Variants in DMXL1 observed in about 807,000 individuals in gnomAD.
The protein encoded by DMXL1 is dmX-like protein 1.
DMXL1 carries 99 observed loss-of-function variants against 319.2 expected under a neutral mutation model. The observed-to-expected ratio is 0.31, with a 90% CI of 0.26 to 0.37. The LOEUF (loss-of-function observed/expected upper bound fraction) is 0.37. DMXL1 is among the 10% of genes least tolerant of loss of function. The pLI, the probability that DMXL1 is intolerant of heterozygous loss-of-function variation, is 1.00. For synonymous variants in DMXL1, 1,385 were observed against 1,235.2 expected, an observed-to-expected ratio of 1.12 and a Z score of -2.54; for missense variants, 3,745 against 3,595.6, an observed-to-expected ratio of 1.04 and a Z score of -1.06.
At chr5:119,194,320 A>T (rs1249863877) in intron 30 of DMXL1, among the ~76,000 whole-genome samples, 1 of 152,208 alleles carries the variant, frequency 6.6e-6, no homozygotes. Context: ...AACATAAACA[A>T]GTTCTACTGT....
chr5:119,101,748 CGTAGTAAGTT>C (rs1235406091), intron 2 of DMXL1, among the ~76,000 whole-genome samples, 177 bp from the exon 3 acceptor site: 1 of 152,154 alleles, frequency 6.6e-6, no homozygotes, highest in East Asian at 1.9e-4. Context: ...TGCTAGTTAA[CGTAGTAAGTT>C]GCAGTTCTAG....
chr5:119,233,403 C>T lies in DMXL1; in HGVS notation c.8402C>T (p.Thr2801Ile), dbSNP rs772896892. Residue 2801 changes from threonine to isoleucine, a missense_variant, in exon 39 of 44, where the codon ACC (threonine) becomes ATC (isoleucine). By Grantham distance (89) the Thr-to-Ile change is moderately conservative. Coordinates refer to ENST00000539542, the MANE Select transcript of DMXL1 (RefSeq NM_001290321.3). ...MFEWGHSQQITCFRSGGNSRV... is the reference protein window; with the variant it reads ...MFEWGHSQQIICFRSGGNSRV... The stretch of plus-strand genomic sequence containing the variant: ...GAATGGGGCCATTCTCAACAAATAA[C>T]CTGTTTTCGATCTGGTGGCAATTCA... The T allele has an allele frequency of 6.8e-6, 11 of 1,612,570 alleles. No individual in the cohort carries two copies. Among genetic ancestry groups the T allele is most frequent in the Admixed American group, 6.7e-5 (4 of 59,936 alleles).
intron 25 of DMXL1, among the ~76,000 whole-genome samples, chr5:119,173,766 A>ATGTGTG (rs376741039): frequency 7.8e-5 from 6 of 76,580 alleles, no homozygotes; most frequent in Admixed American, 3.3e-4. Context: ...ATATATATAT[A>ATGTGTG]TGTGTGTGTG....
intron 34 of DMXL1, among the ~76,000 whole-genome samples, chr5:119,213,652 CAT>C (rs1309949910): frequency 1.3e-5 from 2 of 152,046 alleles, no homozygotes; most frequent in Non-Finnish European, 1.5e-5. Context: ...AGAAATAAAA[CAT>C]TATCAATTCA....
At chr5:119,153,894 G>A (rs1399931886) in intron 19 of DMXL1, among the ~76,000 whole-genome samples, 1 of 152,140 alleles carries the variant, frequency 6.6e-6, no homozygotes, top group African/African-American at 2.4e-5. Flanking sequence ...TTTCAGCACC[G>A]TTTTTCCAAC....
chr5:119,176,118 T>TAA (rs1405781150), intron 26 of DMXL1, among the ~76,000 whole-genome samples: 1 of 152,118 alleles, frequency 6.6e-6, no homozygotes, highest in Non-Finnish European at 1.5e-5. Context: ...ATGTCCTGTC[T>TAA]TATTTAGCAA....
At chr5:119,173,805 G>T (rs1366418862) in intron 25 of DMXL1, among the ~76,000 whole-genome samples, 180 of 62,504 alleles carry the variant, frequency 2.9e-3, no homozygotes, top group East Asian at 0.014. Flanking sequence ...TATAATGAGA[G>T]AGAGATTTAT....
chr5:119,130,309 A>T (rs896748010), intron 10 of DMXL1, among the ~76,000 whole-genome samples: 4 of 151,652 alleles, frequency 2.6e-5, no homozygotes, highest in Non-Finnish European at 5.9e-5. Flanking sequence ...GCATTTTTAT[A>T]CAGAAATAAT....
At chr5:119,080,402 G>A (rs1047312383) in intron 1 of DMXL1, among the ~76,000 whole-genome samples, 3 of 152,002 alleles carry the variant, frequency 2.0e-5, no homozygotes, top group Non-Finnish European at 4.4e-5. Context: ...CCCTACCTTG[G>A]TGCACCTTCC....
chr5:119,076,191 GA>G lies in DMXL1; in HGVS notation c.87+4539del, dbSNP rs374820462. 4.8e-3 allele frequency among the ~76,000 whole-genome samples: 732 copies of G among 152,250 alleles called. 7 individuals carry two copies. The highest frequency in any genetic ancestry group is 0.017 in the African/African-American group (718 of 41,554). On this transcript the variant is annotated intron_variant, in intron 1 of 43. Coordinates refer to ENST00000539542, the MANE Select transcript of DMXL1 (RefSeq NM_001290321.3). ...TAGCTCCAATTTCCCTTTAGTATTA[GA>G]AAACTCAGTGTTTCTAGCTAAGGGA...
intron 13 of DMXL1, among the ~76,000 whole-genome samples, chr5:119,141,689 C>A (rs1261324002): frequency 6.6e-6 from 1 of 151,856 alleles, no homozygotes; most frequent in Non-Finnish European, 1.5e-5. Flanking sequence ...CAAAGTATGG[C>A]CCAAAAATTT....
intron 1 of DMXL1, among the ~76,000 whole-genome samples, chr5:119,079,566 C>G (rs1751730796): frequency 6.6e-6 from 1 of 152,222 alleles, no homozygotes; most frequent in South Asian, 2.1e-4. Context: ...ATGTCCTGCT[C>G]ACTTCTTAAC....
chr5:119,123,110 G>C (rs547123454), intron 9 of DMXL1, among the ~76,000 whole-genome samples: 1 of 152,076 alleles, frequency 6.6e-6, no homozygotes, highest in Non-Finnish European at 1.5e-5. Context: ...AGACCGGCCC[G>C]GCCAACACAG....
chr5:119,121,585 C>T (rs1260814443), intron 9 of DMXL1, among the ~76,000 whole-genome samples: 3 of 152,098 alleles, frequency 2.0e-5, no homozygotes, highest in Admixed American at 6.5e-5. Context: ...TTTCAGAGAG[C>T]ACAGGGTTGG....
At chr5:119,099,830 CAAAAAT>C (rs1195516807) in intron 2 of DMXL1, among the ~76,000 whole-genome samples, 1 of 151,814 alleles carries the variant, frequency 6.6e-6, no homozygotes, top group Non-Finnish European at 1.5e-5. Context: ...CCTGTCTCTA[CAAAAAT>C]AAAAATAATA....
Position 119,220,597 on chromosome 5 carries a change from C to G in DMXL1, c.8135+4C>G. The G allele has an allele frequency of 8.1e-6, 13 of 1,609,208 alleles. No individual in the cohort carries two copies. Among genetic ancestry groups the G allele is most frequent in the Non-Finnish European group, 1.0e-5 (12 of 1,178,744 alleles). On this transcript the variant is annotated splice_donor_region_variant and intron_variant, in intron 36 of 43. Coordinates refer to ENST00000539542, the MANE Select transcript of DMXL1 (RefSeq NM_001290321.3). ...ATATAGAAGTGGAAACCAAAGGGTA[C>G]CTTCATAGTTTGTTTCTATTTAGTA...
At chr5:119,077,187 T>TCAAAACCAAGCCCA (rs567406979) in intron 1 of DMXL1, among the ~76,000 whole-genome samples, 4,491 of 152,152 alleles carry the variant, frequency 0.03, 207 homozygotes, top group African/African-American at 0.1. Flanking sequence ...AGGCAGGATC[T>TCAAAACCAAGCCCA]TGTTATATTG....
intron 38 of DMXL1, among the ~76,000 whole-genome samples, chr5:119,232,512 A>G (rs1290105122): frequency 6.6e-6 from 1 of 152,130 alleles, no homozygotes; most frequent in Non-Finnish European, 1.5e-5. Flanking sequence ...TGGGTGCCTT[A>G]TATATGTGAT....
chr5:119,121,425 G>GCGCCTT (rs1054710147), intron 9 of DMXL1, among the ~76,000 whole-genome samples: 2 of 152,002 alleles, frequency 1.3e-5, no homozygotes, highest in Non-Finnish European at 2.9e-5. Flanking sequence ...AGAGGACCCT[G>GCGCCTT]CGGCCTTCCG....
Sources: allele counts gnomAD v4.1 joint callset (sites outside exome capture counted in the v4.1 genomes callset), GRCh38; gene constraint gnomAD v4.1.1; transcripts MANE v1.5; gene names NCBI Gene and HGNC (gene_info 2026-07-23, HGNC 2026-07-21).